The following DTNA variants were observed in gnomAD, a reference collection of about 807,000 sequenced individuals.
DTNA encodes the protein dystrobrevin alpha, also known as dystrophin-related protein 3.
DTNA carries 43 observed loss-of-function variants against 100.7 expected under a neutral mutation model. The ratio of observed to expected loss-of-function variants is 0.43; its 90% CI spans 0.33 to 0.55. The LOEUF (loss-of-function observed/expected upper bound fraction) is 0.55. Among genes scored for constraint, DTNA ranks in the 20% least tolerant of loss-of-function variants. The pLI, the probability that DTNA is intolerant of heterozygous loss-of-function variation, is 0.04. For missense variants in DTNA, 798 were observed against 953.9 expected (o/e 0.84, Z 2.15); for synonymous variants, 349 against 347.9 (o/e 1.00, Z -0.04).
At chr18:34,768,681 T>C (rs2093615258) in intron 3 of DTNA, among the ~76,000 whole-genome samples, 1 of 152,192 alleles carries the variant, frequency 6.6e-6, no homozygotes, top group Non-Finnish European at 1.5e-5. Context: ...TAGAAGCTTA[T>C]ACCTGTCCAG....
At chr18:34,828,988 A>G (rs2149566106) in intron 10 of DTNA, 2 of 1,603,106 alleles carry the variant, frequency 1.2e-6, no homozygotes, top group Non-Finnish European at 1.7e-6. Flanking sequence ...TTCTGCAAAT[A>G]TCAAGCAGAG....
upstream of DTNA, among the ~76,000 whole-genome samples, chr18:34,707,317 G>A (rs1234388374): frequency 6.6e-6 from 1 of 152,128 alleles, no homozygotes; most frequent in East Asian, 1.9e-4. Context: ...CTTTTTCTAA[G>A]TGATTGAATT....
rs1273992886 is a variant in DTNA, at chr18:34,616,111, G to A, written c.-2+122597G>A. 2.6e-5 allele frequency among the ~76,000 whole-genome samples: 4 copies of A among 152,136 alleles called. No individual in the cohort carries two copies. In the East Asian group the frequency reaches 7.7e-4, roughly 29 times the overall value. ...TCCTTTGGGTGTATACCCAATAATG[G>A]GATTGCTGGATCAAATGGTACTTCT... On this transcript the variant is annotated intron_variant, in intron 1 of 19. Transcript: ENST00000283365.
At chr18:34,866,980 CAA>C (rs398032444) in intron 17 of DTNA, 575 of 986,802 alleles carry the variant, frequency 5.8e-4, no homozygotes, top group East Asian at 4.1e-3. Flanking sequence ...GCAGCAAACT[CAA>C]AAAAAAAAAC....
chr18:34,617,901 G>A (rs2055649163), intron 1 of DTNA, among the ~76,000 whole-genome samples: 1 of 152,102 alleles, frequency 6.6e-6, no homozygotes, highest in African/African-American at 2.4e-5. Flanking sequence ...TATTATAGTG[G>A]TCTGACACTT....
At chr18:34,610,976 C>A (rs2054103335) in intron 1 of DTNA, among the ~76,000 whole-genome samples, 2 of 152,030 alleles carry the variant, frequency 1.3e-5, no homozygotes, top group African/African-American at 4.8e-5. Flanking sequence ...ACAAATTATG[C>A]AATTAATTAG....
chr18:34,677,537 C>G (rs1293704075), intron 1 of DTNA, among the ~76,000 whole-genome samples: 1 of 151,974 alleles, frequency 6.6e-6, no homozygotes, highest in Non-Finnish European at 1.5e-5. Context: ...TAGATATAGC[C>G]TAAGGTGAAA....
chr18:34,510,980 A>G (rs1190505016), intron 1 of DTNA, among the ~76,000 whole-genome samples: 1 of 152,082 alleles, frequency 6.6e-6, no homozygotes, highest in Non-Finnish European at 1.5e-5. Context: ...TATTGACAGA[A>G]AAGCATTACT....
intron 1 of DTNA, among the ~76,000 whole-genome samples, chr18:34,613,985 A>G (rs537637561): frequency 2.4e-4 from 37 of 152,346 alleles, no homozygotes; most frequent in African/African-American, 7.7e-4. Flanking sequence ...CCTGCCTTCA[A>G]AGCTTCAAAG....
At chr18:34,576,617 C>T (rs1429530436) in intron 1 of DTNA, among the ~76,000 whole-genome samples, 1 of 152,054 alleles carries the variant, frequency 6.6e-6, no homozygotes, top group Non-Finnish European at 1.5e-5. Flanking sequence ...TGCCGCCATG[C>T]CCGGCTAATT....
intron 15 of DTNA, among the ~76,000 whole-genome samples, chr18:34,852,847 CT>C (rs2096497907): frequency 6.6e-6 from 1 of 152,214 alleles, no homozygotes. Context: ...CTAATTGCCC[CT>C]AGCCCAGAAA....
intron 1 of DTNA, among the ~76,000 whole-genome samples, chr18:34,494,796 C>T (rs1295579487): frequency 6.6e-6 from 1 of 152,124 alleles, no homozygotes; most frequent in Non-Finnish European, 1.5e-5. Context: ...TATATGTCAT[C>T]ACTTGGCATT....
chr18:34,878,518 C>G (rs944635993), intron 19 of DTNA, among the ~76,000 whole-genome samples: 2 of 152,042 alleles, frequency 1.3e-5, no homozygotes, highest in Non-Finnish European at 2.9e-5. Flanking sequence ...TTTCCCCAGG[C>G]TGGTCTTGAA....
chr18:34,496,308 G>T (rs1289718433), intron 1 of DTNA, among the ~76,000 whole-genome samples: 1 of 151,844 alleles, frequency 6.6e-6, no homozygotes, highest in Non-Finnish European at 1.5e-5. Flanking sequence ...CAGAGTGGTT[G>T]TATGCTATCA....
intron 15 of DTNA, among the ~76,000 whole-genome samples, chr18:34,854,594 G>C (rs1252382139): frequency 6.6e-6 from 1 of 152,166 alleles, no homozygotes; most frequent in Non-Finnish European, 1.5e-5. Context: ...CAGAGTTGAG[G>C]CCATTTTCTG....
intron 1 of DTNA, among the ~76,000 whole-genome samples, chr18:34,567,968 C>T (rs1396720965): frequency 6.6e-6 from 1 of 151,780 alleles, no homozygotes; most frequent in East Asian, 1.9e-4. Flanking sequence ...CTGCATGTTG[C>T]AATTATGCGG....
At chr18:34,584,563 A>G (rs2048940042) in intron 1 of DTNA, among the ~76,000 whole-genome samples, 1 of 152,220 alleles carries the variant, frequency 6.6e-6, no homozygotes, top group African/African-American at 2.4e-5. Context: ...AAGAAGATAA[A>G]TAGAAAAGAT....
chr18:34,792,499 G>A (rs2094793149), intron 3 of DTNA, among the ~76,000 whole-genome samples: 1 of 152,160 alleles, frequency 6.6e-6, no homozygotes, highest in Non-Finnish European at 1.5e-5. Flanking sequence ...TAGGTATATA[G>A]CCAGGAGAGA....
intron 1 of DTNA, among the ~76,000 whole-genome samples, chr18:34,716,110 C>T (rs1023871770): frequency 1.3e-5 from 2 of 152,054 alleles, no homozygotes; most frequent in African/African-American, 4.8e-5. Flanking sequence ...TATCCTTGGG[C>T]CCTACAGTTC....
Sources: gnomAD v4.1 joint callset for allele counts (sites outside exome capture counted in the v4.1 genomes callset) on GRCh38, gnomAD v4.1.1 for gene constraint, MANE v1.5 for transcripts, NCBI Gene and HGNC (gene_info 2026-07-23, HGNC 2026-07-21) for gene names.